The following GABRP variants were observed in gnomAD, a reference collection of about 807,000 sequenced individuals.
The protein encoded by GABRP is gamma-aminobutyric acid type A receptor subunit pi.
Under a neutral mutation model 47.8 loss-of-function variants are expected in GABRP, and 52 were observed. That is an observed-to-expected ratio of 1.09 (90% confidence interval 0.87 to 1.37). The LOEUF (loss-of-function observed/expected upper bound fraction) is 1.37, where lower values mean the gene tolerates loss of function less well. Among genes scored for constraint, GABRP ranks in the 40% most tolerant of loss-of-function variants. The pLI is 0.00. For missense variants in GABRP, 525 were observed against 542.8 expected, an observed-to-expected ratio of 0.97 and a Z score of 0.33; for synonymous variants, 221 against 205.8, an observed-to-expected ratio of 1.07 and a Z score of -0.63.
Position 170,805,858 on chromosome 5 carries a change from C to A in GABRP, c.679+5C>A, listed in dbSNP as rs984361429. ...CCAGATCGCAGCAGGAGACAGGTAA[C>A]TCATGTGACAAACTGTATGAAATAA... On this transcript the variant is annotated splice_donor_5th_base_variant and intron_variant, in intron 7 of 9. Coordinates refer to ENST00000265294, the MANE Select transcript of GABRP (RefSeq NM_014211.3). 2 of 1,613,474 alleles carry A rather than the reference C, an allele frequency of 1.2e-6. No homozygotes were observed. The highest frequency in any genetic ancestry group is 2.2e-5 in the South Asian group (2 of 90,968).
At chr5:170,788,763 A>G in intron 2 of GABRP, 95 bp downstream of exon 2, 1 of 1,197,768 alleles carries the variant, frequency 8.3e-7, no homozygotes, top group South Asian at 1.2e-5. Context: ...CACCCACAGC[A>G]AGGCAAAACC....
At chr5:170,810,251 G>T (rs1765846827) in intron 9 of GABRP, among the ~76,000 whole-genome samples, 1 of 151,832 alleles carries the variant, frequency 6.6e-6, no homozygotes, top group Non-Finnish European at 1.5e-5. Context: ...ATTTGGTTTA[G>T]CAATGGAACA....
intron 3 of GABRP, among the ~76,000 whole-genome samples, chr5:170,791,027 G>A (rs1478958678): frequency 6.6e-6 from 1 of 152,218 alleles, no homozygotes; most frequent in Non-Finnish European, 1.5e-5. Context: ...GAACACGTAT[G>A]ACAAGCACGT....
rs369637765 is a variant in GABRP at position 170,788,606 on chromosome 5, G to T, written c.-10G>T. 1 of 1,614,102 alleles carries T rather than the reference G, an allele frequency of 6.2e-7. No homozygotes were observed. The highest frequency in any genetic ancestry group is 8.5e-7 in the Non-Finnish European group (1 of 1,179,984). On this transcript the variant is annotated 5_prime_UTR_variant, in exon 2 of 10. Coordinates refer to ENST00000265294, the MANE Select transcript of GABRP (RefSeq NM_014211.3). ...CTACTTCAGCCCCTTGGTGTGAGCAGCTTCTCAACATGAACTACAGCCTCC... is the reference window on the plus strand; with the variant it reads ...CTACTTCAGCCCCTTGGTGTGAGCATCTTCTCAACATGAACTACAGCCTCC...
At chr5:170,795,596 A>ACTG (rs1765406198) in intron 5 of GABRP, among the ~76,000 whole-genome samples, 171 bp downstream of exon 5, 3 of 152,116 alleles carry the variant, frequency 2.0e-5, no homozygotes, top group Non-Finnish European at 2.9e-5. Flanking sequence ...TCATCTACCA[A>ACTG]ATGCCTGCTC....
Position 170,812,097 on chromosome 5 carries a change from A to T in GABRP, c.1162A>T (p.Ser388Cys). 1 of 1,614,214 alleles carries T rather than the reference A, an allele frequency of 6.2e-7. No homozygotes were observed. The highest frequency in any genetic ancestry group is 1.1e-5 in the South Asian group (1 of 91,082). The change falls in exon 10 of 10, where the codon AGC (serine) becomes TGC (cysteine). Residue 388 changes from serine to cysteine, a missense_variant. Physicochemically the swap from Ser to Cys is moderately radical, Grantham distance 112 (BLOSUM62 -1). Coordinates refer to ENST00000265294, the MANE Select transcript of GABRP (RefSeq NM_014211.3). ...CTACAGTGACTTGACAATGAAAACC[A>T]GCGACAAGTTCAAGTTTGTCTTCCG... ...VDYSDLTMKT[S>C]DKFKFVFREK...
In GABRP at chr5:170,789,156, C is replaced by T. The variant is rs778561776; in HGVS notation, c.81C>T (p.Asn27=). The change falls in exon 3 of 10, where the codon AAC becomes AAT. Residue 27 remains asparagine, a synonymous_variant. Transcript: ENST00000265294. ...ERMCIQGSQF[N]VEVGRSDKLS... ...TGTGCATCCAGGGGAGTCAGTTCAA[C>T]GTCGAGGTCGGCAGAAGTGACAAGC... 1.4e-5 allele frequency: 22 copies of T among 1,613,968 alleles called. No homozygotes were observed. The highest frequency in any genetic ancestry group is 1.2e-4 in the South Asian group (11 of 91,078).
intron 9 of GABRP, among the ~76,000 whole-genome samples, chr5:170,810,912 G>A (rs1765866624): frequency 6.6e-6 from 1 of 151,856 alleles, no homozygotes; most frequent in Non-Finnish European, 1.5e-5. Context: ...GAGGGAGGAA[G>A]GAAGTTGAGT....
At chr5:170,799,929 T>C (rs1317436484) in intron 6 of GABRP, among the ~76,000 whole-genome samples, 1 of 152,160 alleles carries the variant, frequency 6.6e-6, no homozygotes, top group Non-Finnish European at 1.5e-5. Flanking sequence ...AGGAAATTTA[T>C]AGATTCAATG....
intron 1 of GABRP, among the ~76,000 whole-genome samples, chr5:170,785,092 G>A (rs1044565059): frequency 1.3e-5 from 2 of 152,210 alleles, no homozygotes; most frequent in East Asian, 1.9e-4. Flanking sequence ...GAGGCTGGCC[G>A]ACACATAAAT....
chr5:170,797,295 GCA>G (rs1765457053), intron 5 of GABRP, among the ~76,000 whole-genome samples, 169 bp from the exon 6 acceptor site: 1 of 152,208 alleles, frequency 6.6e-6, no homozygotes, highest in South Asian at 2.1e-4. Context: ...CAAGCCTCAT[GCA>G]CACATTCTTT....
rs577760875 is a variant in GABRP, at chr5:170,783,780, G to A, written c.-137G>A. 1 of 152,456 alleles carries A rather than the reference G, an allele frequency of 6.6e-6. No homozygotes were observed. The highest frequency in any genetic ancestry group is 2.4e-5 in the African/African-American group (1 of 41,570). The allele number at this position is 152,456 out of a possible 1,614,324, so 9.4% of individuals were successfully genotyped here. A position where few individuals can be genotyped will look rare whatever the true frequency, so the allele number is the denominator to read the frequency against. On this transcript the variant is annotated 5_prime_UTR_variant, in exon 1 of 10. Coordinates refer to ENST00000265294, the MANE Select transcript of GABRP (RefSeq NM_014211.3). Reference sequence around the variant, plus strand: ...TACGAGGGGACAGGGCTGAGGATGAGGAGAACCCTGGGGACCCAGAAGACC... The same window carrying A: ...TACGAGGGGACAGGGCTGAGGATGAAGAGAACCCTGGGGACCCAGAAGACC...
Position 170,794,259 on chromosome 5 carries a change from G to A in GABRP, c.201G>A (p.Leu67=). ...GGEPVQIALT[L]DIASISSISE... is the part of the protein sequence containing the mutation. Reference sequence around the variant, plus strand: ...AACCCGTACAGATAGCGCTGACTCTGGACATTGCAAGTATCTCTAGCATTT... The same window carrying A: ...AACCCGTACAGATAGCGCTGACTCTAGACATTGCAAGTATCTCTAGCATTT... Residue 67 remains leucine (L), a synonymous_variant, in exon 4 of 10, where the codon CTG becomes CTA. Coordinates refer to ENST00000265294, the MANE Select transcript of GABRP (RefSeq NM_014211.3). 6.2e-7 allele frequency: 1 copy of A among 1,611,438 alleles called. No individual in the cohort carries two copies. The highest frequency in any genetic ancestry group is 1.3e-5 in the African/African-American group (1 of 74,494).
intron 1 of GABRP, among the ~76,000 whole-genome samples, chr5:170,784,334 T>G (rs930168486): frequency 2.0e-5 from 3 of 152,128 alleles, no homozygotes; most frequent in African/African-American, 7.2e-5. Flanking sequence ...TGGTAGAAAT[T>G]CTGGGAATAG....
intron 6 of GABRP, among the ~76,000 whole-genome samples, chr5:170,799,674 G>A (rs181636261): frequency 6.6e-6 from 1 of 152,240 alleles, no homozygotes; most frequent in Non-Finnish European, 1.5e-5. Flanking sequence ...GTAGATTCTG[G>A]ATATTAGCCC....
chr5:170,785,135 G>T (rs1161166730), intron 1 of GABRP, among the ~76,000 whole-genome samples: 3 of 152,242 alleles, frequency 2.0e-5, no homozygotes, highest in African/African-American at 7.2e-5. Flanking sequence ...CTACCACAGG[G>T]AGTGATGGCA....
chr5:170,806,519 T>A (rs1278863232), intron 7 of GABRP, among the ~76,000 whole-genome samples: 1 of 152,044 alleles, frequency 6.6e-6, no homozygotes, highest in African/African-American at 2.4e-5. Context: ...CTCAGCTCAC[T>A]GCAACCTTCG....
chr5:170,800,088 A>T, intron 6 of GABRP, among the ~76,000 whole-genome samples: 1 of 152,224 alleles, frequency 6.6e-6, no homozygotes. Context: ...CTGACTTCAA[A>T]CAATACTACA....
Position 170,789,223 on chromosome 5 carries a change from A to C in GABRP, c.148A>C (p.Lys50Gln). The C allele has an allele frequency of 1.2e-6, 2 of 1,613,882 alleles. No individual in the cohort carries two copies. Among genetic ancestry groups the C allele is most frequent in the Non-Finnish European group, 1.7e-6 (2 of 1,179,814 alleles). ...TGAGAACCTCACAGCAGGATATAAC[A>C]AATTTCTCAGGCCCAATTTTGGTGG... ...GFENLTAGYN[K>Q]FLRPNFGGEP... The change falls in exon 3 of 10, where the codon AAA becomes CAA. Residue 50 changes from lysine to glutamine, a missense_variant. Lys to Gln is a moderately conservative substitution (Grantham distance 53). Coordinates refer to ENST00000265294, the MANE Select transcript of GABRP (RefSeq NM_014211.3).
Sources: allele counts gnomAD v4.1 joint callset (sites outside exome capture counted in the v4.1 genomes callset), GRCh38; gene constraint gnomAD v4.1.1; transcripts MANE v1.5; gene names NCBI Gene and HGNC (gene_info 2026-07-23, HGNC 2026-07-21).